The following THSD4 variants were observed in gnomAD, a reference collection of about 807,000 sequenced individuals.
THSD4 encodes thrombospondin type-1 domain-containing protein 4.
THSD4 carries 69 observed loss-of-function variants against 119.0 expected under a neutral mutation model. The ratio of observed to expected loss-of-function variants is 0.58; its 90% CI spans 0.48 to 0.71. The LOEUF is 0.71. THSD4 is among the 30% of genes least tolerant of loss of function. The pLI, the probability that THSD4 is intolerant of heterozygous loss-of-function variation, is 0.00. For missense variants in THSD4, 1,393 were observed against 1,391.1 expected (o/e 1.00, Z -0.02); for synonymous variants, 524 against 540.4 (o/e 0.97, Z 0.42).
chr15:71,427,029 C>T (rs1030267051), intron 7 of THSD4, among the ~76,000 whole-genome samples: 1 of 152,028 alleles, frequency 6.6e-6, no homozygotes, highest in Non-Finnish European at 1.5e-5. Flanking sequence ...CCTCTTGAAA[C>T]CTTAAACTGA....
chr15:71,199,328 A>C (rs2043747179), intron 3 of THSD4, among the ~76,000 whole-genome samples: 1 of 152,182 alleles, frequency 6.6e-6, no homozygotes, highest in Non-Finnish European at 1.5e-5. Context: ...TCTCTGCACA[A>C]GTCAGAACTG....
At chr15:71,725,201 C>T (rs1360304582) in intron 8 of THSD4, among the ~76,000 whole-genome samples, 1 of 50,286 alleles carries the variant, frequency 2.0e-5, no homozygotes, top group African/African-American at 5.3e-5. Context: ...GAGGAGGTAT[C>T]CAGGATGATT....
intron 7 of THSD4, among the ~76,000 whole-genome samples, chr15:71,498,069 C>T (rs2048054417): frequency 6.6e-6 from 1 of 152,118 alleles, no homozygotes; most frequent in Non-Finnish European, 1.5e-5. Flanking sequence ...AGCCAGCATG[C>T]GTTGGTGATA....
At position 71,748,564 on chromosome 15, in the gene THSD4, G is replaced by T; in HGVS notation, c.2385G>T (p.Lys795Asn). The T allele has an allele frequency of 6.2e-7, 1 of 1,614,204 alleles. No individual in the cohort carries two copies. Among genetic ancestry groups the T allele is most frequent in the Non-Finnish European group, 8.5e-7 (1 of 1,180,036 alleles). ...ACTGCGACATGGGACCCTGTGCCAA[G>T]AGCTGGTTCCTCACCGAGTGGAGCG... ...IENCDMGPCA[K>N]SWFLTEWSER... is the part of the protein sequence containing the mutation. The change falls in exon 14 of 18, where the codon AAG becomes AAT. Residue 795 changes from lysine (K) to asparagine (N), a missense_variant. Physicochemically the swap from Lys to Asn is moderately conservative, Grantham distance 94 (BLOSUM62 0). Coordinates refer to ENST00000261862, the MANE Select transcript of THSD4 (RefSeq NM_024817.3).
intron 7 of THSD4, among the ~76,000 whole-genome samples, chr15:71,556,578 C>CA (rs910349873): frequency 2.0e-5 from 3 of 149,976 alleles, no homozygotes; most frequent in Admixed American, 6.6e-5. Flanking sequence ...CCCGTCTCTA[C>CA]AAAAAAAATA....
At chr15:71,280,901 T>C (rs181048517) in intron 6 of THSD4, among the ~76,000 whole-genome samples, 1 of 152,358 alleles carries the variant, frequency 6.6e-6, no homozygotes, top group Admixed American at 6.5e-5. Flanking sequence ...ACTCTCATCA[T>C]ACAAAGTATC....
intron 17 of THSD4, among the ~76,000 whole-genome samples, chr15:71,774,648 T>A (rs1420724203): frequency 1.3e-5 from 2 of 151,924 alleles, no homozygotes. Flanking sequence ...AGAATAGGGC[T>A]CATCGGGTGT....
chr15:71,376,403 C>T lies in THSD4; in HGVS notation c.1016-35284C>T, dbSNP rs118064949. Reference sequence around the variant, plus strand: ...ATGATTGAGTCTCCCACACCAGTCCCATACTCACCTCCTTCATACCACCAC... The same window carrying T: ...ATGATTGAGTCTCCCACACCAGTCCTATACTCACCTCCTTCATACCACCAC... On this transcript the variant is annotated intron_variant, in intron 6 of 17. Transcript: ENST00000261862. Among the ~76,000 whole-genome samples, 133 of 152,290 alleles carry T rather than the reference C, an allele frequency of 8.7e-4. 2 individuals carry two copies. The East Asian group carries it at 0.025, about 29-fold the overall frequency.
intron 4 of THSD4, among the ~76,000 whole-genome samples, chr15:71,232,154 C>T (rs568158901): frequency 3.1e-4 from 47 of 152,134 alleles, no homozygotes; most frequent in Non-Finnish European, 5.9e-4. Context: ...GCTCTCAGGT[C>T]GCTCTAGGTA....
chr15:71,662,845 C>T (rs187619500), intron 8 of THSD4, among the ~76,000 whole-genome samples: 1 of 152,256 alleles, frequency 6.6e-6, no homozygotes, highest in African/African-American at 2.4e-5. Context: ...GACAAATGTT[C>T]ATTGCCTTTC....
intron 7 of THSD4, among the ~76,000 whole-genome samples, chr15:71,470,243 AT>A (rs1426647952): frequency 6.6e-6 from 1 of 152,062 alleles, no homozygotes; most frequent in Non-Finnish European, 1.5e-5. Context: ...TGGGATAATT[AT>A]TTGCATTCAA....
intron 6 of THSD4, among the ~76,000 whole-genome samples, chr15:71,380,931 C>T (rs993002729): frequency 6.6e-5 from 10 of 152,102 alleles, no homozygotes; most frequent in African/African-American, 1.4e-4. Flanking sequence ...TGTTTATTGC[C>T]GTCCCATTGA....
At chr15:71,317,254 T>C (rs1365166982) in intron 6 of THSD4, among the ~76,000 whole-genome samples, 1 of 152,234 alleles carries the variant, frequency 6.6e-6, no homozygotes, top group Non-Finnish European at 1.5e-5. Flanking sequence ...CATTTCTGTG[T>C]ACACAGGGTA....
rs113217194 is a variant in THSD4 at position 71,542,599 on chromosome 15, C to T, written c.1153-117931C>T. ...AACGTTAGAAAAAAACAAATTGGGC[C>T]GGGCACAGTGTCTCACGCCTGTAAT... On this transcript the variant is annotated intron_variant, in intron 7 of 17. Coordinates refer to ENST00000261862, the MANE Select transcript of THSD4 (RefSeq NM_024817.3). Among the ~76,000 whole-genome samples, 629 of 152,130 alleles carry T rather than the reference C, an allele frequency of 4.1e-3. 3 individuals carry two copies. Among genetic ancestry groups the T allele is most frequent in the African/African-American group, 0.015 (610 of 41,516 alleles).
At chr15:71,706,480 T>C (rs910192199) in intron 8 of THSD4, among the ~76,000 whole-genome samples, 4 of 152,078 alleles carry the variant, frequency 2.6e-5, no homozygotes, top group African/African-American at 4.8e-5. Context: ...AAGATATAAA[T>C]TGTGGATAGT....
intron 1 of THSD4, among the ~76,000 whole-genome samples, chr15:71,118,574 C>G (rs2040382556): frequency 6.6e-6 from 1 of 151,166 alleles, no homozygotes; most frequent in Non-Finnish European, 1.5e-5. Context: ...GTTAGTGGCC[C>G]CAGCACACTT....
chr15:71,372,753 G>A (rs554890207), intron 6 of THSD4, among the ~76,000 whole-genome samples: 29 of 152,364 alleles, frequency 1.9e-4, no homozygotes, highest in Admixed American at 4.6e-4. Context: ...CAGTCTGCCC[G>A]TTCTCACATC....
chr15:71,222,762 G>T (rs1214407250), intron 4 of THSD4, among the ~76,000 whole-genome samples: 3 of 152,174 alleles, frequency 2.0e-5, no homozygotes, highest in Non-Finnish European at 4.4e-5. Context: ...CACACTTCAA[G>T]AGCAGTTTGT....
intron 6 of THSD4, among the ~76,000 whole-genome samples, chr15:71,366,922 C>T (rs905811184): frequency 1.3e-5 from 2 of 152,194 alleles, no homozygotes; most frequent in Non-Finnish European, 2.9e-5. Context: ...GGAGAGGACC[C>T]TGACCCTTCT....
Sources: gnomAD v4.1 joint callset for allele counts (sites outside exome capture counted in the v4.1 genomes callset) on GRCh38, gnomAD v4.1.1 for gene constraint, MANE v1.5 for transcripts, NCBI Gene and HGNC (gene_info 2026-07-23, HGNC 2026-07-21) for gene names.